Variants in ADAM10 observed in about 807,000 individuals in gnomAD.
The protein encoded by ADAM10 is ADAM metallopeptidase domain 10.
Under a neutral mutation model 90.1 loss-of-function variants are expected in ADAM10, and 17 were observed. The ratio of observed to expected loss-of-function variants is 0.19; its 90% CI spans 0.13 to 0.28. ADAM10 has a LOEUF of 0.28. Ranked by LOEUF, ADAM10 falls within the 10% of genes least tolerant of loss-of-function variation. The probability of loss-of-function intolerance (pLI) is 1.00; values close to 1 mark genes in which losing one functional copy is unlikely to be tolerated. For synonymous variants in ADAM10, 310 were observed against 298.6 expected (o/e 1.04, Z -0.40); for missense variants, 610 against 914.3 (o/e 0.67, Z 4.29).
At chr15:58,626,457 C>T (rs1164396848) in intron 10 of ADAM10, among the ~76,000 whole-genome samples, 1 of 152,122 alleles carries the variant, frequency 6.6e-6, no homozygotes, top group East Asian at 1.9e-4. Context: ...CTCAGTGTTT[C>T]CCCTAAAGAA....
At chr15:58,650,660 G>A (rs867108971) in intron 5 of ADAM10, among the ~76,000 whole-genome samples, 31 of 152,192 alleles carry the variant, frequency 2.0e-4, no homozygotes, top group African/African-American at 7.2e-4. Context: ...CATTCTAGCT[G>A]TATACTTTTT....
chr15:58,714,143 T>C (rs974871106), intron 2 of ADAM10, among the ~76,000 whole-genome samples: 3 of 152,148 alleles, frequency 2.0e-5, no homozygotes, highest in Admixed American at 6.5e-5. Flanking sequence ...TGGAAAAATA[T>C]AAACGTTTCT....
At chr15:58,683,624 G>A (rs1168257038) in intron 2 of ADAM10, among the ~76,000 whole-genome samples, 1 of 152,128 alleles carries the variant, frequency 6.6e-6, no homozygotes, top group Non-Finnish European at 1.5e-5. Flanking sequence ...AACTTTGGGA[G>A]GCTGAGGCAG....
chr15:58,655,729 A>AG lies in ADAM10; in HGVS notation c.585+9367_585+9368insC, dbSNP rs1358192075. Among the ~76,000 whole-genome samples, 23 of 100,112 alleles carry AG rather than the reference A, an allele frequency of 2.3e-4. 1 individual carries two copies. Among genetic ancestry groups the AG allele is most frequent in the Non-Finnish European group, 3.8e-4 (19 of 50,274 alleles). 65.7% of individuals were successfully genotyped at this position (100,112 alleles called of 152,430 possible). ...ATATATAGTATATATATATATATAT[A>AG]TATATATATATTCTTTTTTTTTTTT... On this transcript the variant is annotated intron_variant, in intron 5 of 15. Transcript: ENST00000260408.
At chr15:58,636,565 G>A (rs1896258737) in intron 8 of ADAM10, among the ~76,000 whole-genome samples, 1 of 152,120 alleles carries the variant, frequency 6.6e-6, no homozygotes, top group African/African-American at 2.4e-5. Flanking sequence ...GAATAACAAT[G>A]AGAAGGGTGA....
At chr15:58,632,605 T>A (rs1373045967) in intron 9 of ADAM10, among the ~76,000 whole-genome samples, 2 of 152,232 alleles carry the variant, frequency 1.3e-5, no homozygotes, top group East Asian at 3.8e-4. Flanking sequence ...CTGATCCCTG[T>A]TCTGAATCAT....
At chr15:58,628,375 T>C (rs1196321226) in intron 9 of ADAM10, among the ~76,000 whole-genome samples, 1 of 151,984 alleles carries the variant, frequency 6.6e-6, no homozygotes, top group Non-Finnish European at 1.5e-5. Context: ...AGCCAATATA[T>C]AGGAAAGGTA....
intron 2 of ADAM10, among the ~76,000 whole-genome samples, chr15:58,709,477 G>A (rs1418124255): frequency 3.3e-5 from 5 of 152,128 alleles, no homozygotes; most frequent in African/African-American, 4.8e-5. Flanking sequence ...GGTGACTCAC[G>A]CCTGTAATCC....
At chr15:58,749,084 G>A (rs1210997284) in intron 1 of ADAM10, 1 of 398,612 alleles carries the variant, frequency 2.5e-6, no homozygotes, top group Non-Finnish European at 4.4e-6. Flanking sequence ...AGGACGGCGA[G>A]ACCGCCAGCC....
intron 4 of ADAM10, among the ~76,000 whole-genome samples, chr15:58,671,683 G>A (rs1897196974): frequency 6.6e-6 from 1 of 152,142 alleles, no homozygotes; most frequent in Non-Finnish European, 1.5e-5. Context: ...AGACCAGCCT[G>A]GCAACACAGT....
intron 2 of ADAM10, chr15:58,686,419 T>G: frequency 7.7e-7 from 1 of 1,304,630 alleles, no homozygotes; most frequent in Non-Finnish European, 1.1e-6. Flanking sequence ...CCATGTCCTC[T>G]GGGGCTAGCG....
chr15:58,618,337 A>C (rs971656634), intron 11 of ADAM10, among the ~76,000 whole-genome samples: 3 of 152,202 alleles, frequency 2.0e-5, no homozygotes, highest in Non-Finnish European at 4.4e-5. Context: ...AAATGAAACT[A>C]GACCCCTATG....
At chr15:58,664,804 C>T (rs1897042486) in intron 5 of ADAM10, among the ~76,000 whole-genome samples, 1 of 151,974 alleles carries the variant, frequency 6.6e-6, no homozygotes, top group Non-Finnish European at 1.5e-5. Context: ...AATTTTAATG[C>T]TAATAAAAAT....
intron 2 of ADAM10, chr15:58,691,638 G>T: frequency 5.0e-6 from 2 of 401,164 alleles, no homozygotes; most frequent in Non-Finnish European, 9.8e-6. Context: ...CTTGTCTTCT[G>T]CCAGCCCAGA....
intron 11 of ADAM10, among the ~76,000 whole-genome samples, chr15:58,614,118 C>T (rs1343286545): frequency 1.3e-5 from 2 of 152,036 alleles, no homozygotes; most frequent in African/African-American, 4.8e-5. Context: ...CCCGTCTCTA[C>T]TAAAAATACG....
At chr15:58,617,257 G>A (rs1895643079) in intron 11 of ADAM10, among the ~76,000 whole-genome samples, 1 of 151,972 alleles carries the variant, frequency 6.6e-6, no homozygotes, top group South Asian at 2.1e-4. Context: ...CGTTATAACT[G>A]ATACCACAAA....
chr15:58,721,424 G>A (rs1439963549), intron 1 of ADAM10, among the ~76,000 whole-genome samples: 1 of 152,094 alleles, frequency 6.6e-6, no homozygotes, highest in African/African-American at 2.4e-5. Context: ...TGTAATCTCA[G>A]TACTGTGGGA....
chr15:58,608,091 CA>C (rs1895328834), intron 14 of ADAM10, among the ~76,000 whole-genome samples: 1 of 152,106 alleles, frequency 6.6e-6, no homozygotes, highest in African/African-American at 2.4e-5. Context: ...TTGGAAAAAT[CA>C]AAACATAGTT....
At chr15:58,687,036 C>T (rs1233613391) in intron 2 of ADAM10, among the ~76,000 whole-genome samples, 1 of 152,062 alleles carries the variant, frequency 6.6e-6, no homozygotes, top group Admixed American at 6.5e-5. Flanking sequence ...ACTGTTGTTC[C>T]TGGAAGATAT....
Sources: gnomAD v4.1 joint callset for allele counts (sites outside exome capture counted in the v4.1 genomes callset) on GRCh38, gnomAD v4.1.1 for gene constraint, MANE v1.5 for transcripts, NCBI Gene and HGNC (gene_info 2026-07-23, HGNC 2026-07-21) for gene names.